TENM1: variants seen among roughly 807,000 people sequenced by gnomAD.
TENM1 encodes teneurin-1.
TENM1 carries 35 observed loss-of-function variants against 174.8 expected under a neutral mutation model. The ratio of observed to expected loss-of-function variants is 0.20; its 90% confidence interval spans 0.15 to 0.27. The LOEUF (loss-of-function observed/expected upper bound fraction) is 0.27. TENM1 is among the 10% of genes least tolerant of loss of function. The probability of loss-of-function intolerance (pLI) is 1.00; values close to 1 mark genes in which losing one functional copy is unlikely to be tolerated. For synonymous variants in TENM1, 781 were observed against 798.7 expected (o/e 0.98, Z 0.37); for missense variants, 1,633 against 2,130.1 (o/e 0.77, Z 4.59).
chrX:124,623,259 G>T (rs921187225), intron 11 of TENM1, among the ~76,000 whole-genome samples: 1 of 110,893 alleles, frequency 9.0e-6, no homozygotes, highest in Non-Finnish European at 1.9e-5. Flanking sequence ...TTGTGTGAGT[G>T]TGCATATATG....
In TENM1 at chrX:124,763,174, C is replaced by T. The variant is rs181218894; in HGVS notation, c.536-25977G>A. On this transcript the variant is annotated intron_variant, in intron 3 of 31. Coordinates refer to ENST00000422452, the Ensembl canonical transcript of TENM1. ...AGTGGTAGAGTTGAAAAAGAGAGAA[C>T]AGACTAGTCTACAAGGTTTCACAGA... is the stretch of plus-strand genomic sequence containing the variant. 3.5e-3 allele frequency among the ~76,000 whole-genome samples: 384 copies of T among 110,783 alleles called. 4 individuals are homozygous for T. Among genetic ancestry groups the T allele is most frequent in the African/African-American group, 0.011 (322 of 30,512 alleles).
At chrX:124,949,964 A>G (rs1410850480) in intron 1 of TENM1, among the ~76,000 whole-genome samples, 1 of 110,850 alleles carries the variant, frequency 9.0e-6, no homozygotes, top group Non-Finnish European at 1.9e-5. Context: ...TTTGGTTTGT[A>G]GAGCATAGGA....
the TENM1 span, among the ~76,000 whole-genome samples, chrX:125,022,494 G>A: frequency 8.9e-6 from 1 of 111,758 alleles, no homozygotes; most frequent in Admixed American, 9.5e-5. Flanking sequence ...AGGTTCAGAT[G>A]GCATTATCAT....
the TENM1 span, among the ~76,000 whole-genome samples, chrX:125,042,466 G>A: frequency 2.7e-5 from 3 of 111,216 alleles, no homozygotes; most frequent in East Asian, 8.5e-4. Flanking sequence ...ACATGCCTTT[G>A]TCTCCCACTC....
chrX:124,755,794 T>C (rs1335420079), intron 3 of TENM1, among the ~76,000 whole-genome samples: 1 of 108,988 alleles, frequency 9.2e-6, no homozygotes, highest in Non-Finnish European at 1.9e-5. Context: ...AATTCTTTTC[T>C]TTAAGAATGT....
At chrX:124,471,445 G>A (rs2061326032) in intron 22 of TENM1, among the ~76,000 whole-genome samples, 1 of 35,995 alleles carries the variant, frequency 2.8e-5, no homozygotes, top group Non-Finnish European at 4.2e-5. Flanking sequence ...ATAATATATA[G>A]TACTATATAT....
the TENM1 span, among the ~76,000 whole-genome samples, chrX:125,154,776 T>C: frequency 9.2e-6 from 1 of 109,187 alleles, no homozygotes. Flanking sequence ...GGCTCAGGAG[T>C]GAAGCTGCAG....
the TENM1 span, among the ~76,000 whole-genome samples, chrX:125,155,740 G>C: frequency 1.8e-5 from 2 of 112,839 alleles, no homozygotes; most frequent in African/African-American, 3.2e-5. Context: ...TTCATTGCCC[G>C]GCCGGCCACT....
chrX:124,689,108 GCTT>G (rs1360347585), intron 5 of TENM1, among the ~76,000 whole-genome samples: 1 of 111,515 alleles, frequency 9.0e-6, no homozygotes, highest in Non-Finnish European at 1.9e-5. Context: ...TATCAAAATG[GCTT>G]CTTTTCTTTT....
intron 11 of TENM1, among the ~76,000 whole-genome samples, chrX:124,619,233 C>A (rs1307827676): frequency 9.0e-6 from 1 of 111,600 alleles, no homozygotes; most frequent in Admixed American, 9.5e-5. Context: ...AGACGGTAAC[C>A]CCTAATATCT....
chrX:124,688,116 A>ACTCCT (rs776164988), intron 5 of TENM1, among the ~76,000 whole-genome samples: 28 of 33,634 alleles, frequency 8.3e-4, no homozygotes, highest in African/African-American at 2.3e-3. Flanking sequence ...ATTCCTCTCC[A>ACTCCT]CTCCTCTCCT....
intron 3 of TENM1, among the ~76,000 whole-genome samples, chrX:124,859,430 G>A (rs1366058494): frequency 2.8e-5 from 3 of 108,087 alleles, no homozygotes; most frequent in African/African-American, 1.0e-4. Context: ...TGTAATCCCA[G>A]CTACTCAGGA....
the TENM1 span, among the ~76,000 whole-genome samples, chrX:125,192,224 T>G: frequency 4.0e-3 from 443 of 111,998 alleles, 3 homozygotes; most frequent in Non-Finnish European, 6.5e-3. Flanking sequence ...AAAAAAAGAA[T>G]GCATGGCATG....
rs111923682 is a variant in TENM1, at chrX:124,417,515, A to G, written c.4982+2796T>C. On this transcript the variant is annotated intron_variant, in intron 25 of 31. Transcript: ENST00000422452. ...GTGTGAGCCACTGTGCCTGGCCCAT[A>G]TCTTCAATTTTAAACATGGAGTGCT... is the stretch of plus-strand genomic sequence containing the variant. 2.7e-3 allele frequency among the ~76,000 whole-genome samples: 295 copies of G among 111,202 alleles called. 1 individual carries two copies. Among genetic ancestry groups the G allele is most frequent in the African/African-American group, 9.1e-3 (278 of 30,625 alleles).
chrX:124,925,283 T>A (rs1276459800), intron 1 of TENM1, among the ~76,000 whole-genome samples: 1 of 110,995 alleles, frequency 9.0e-6, no homozygotes, highest in East Asian at 2.9e-4. Context: ...ATGACTGGGT[T>A]TTCTCTTCTA....
the TENM1 span, among the ~76,000 whole-genome samples, chrX:124,987,701 TTGTGTG>T: frequency 1.1e-3 from 102 of 91,370 alleles, no homozygotes; most frequent in East Asian, 2.7e-3. Flanking sequence ...GTTCTGCATT[TTGTGTG>T]TGTGTGTGTG....
chrX:125,199,842 G>T, the TENM1 span, among the ~76,000 whole-genome samples: 1 of 111,454 alleles, frequency 9.0e-6, no homozygotes, highest in East Asian at 2.8e-4. Context: ...TATAAATATT[G>T]TTATATAATA....
At chrX:124,578,751 A>G (rs1209670882) in intron 11 of TENM1, among the ~76,000 whole-genome samples, 2 of 111,579 alleles carry the variant, frequency 1.8e-5, no homozygotes, top group African/African-American at 6.5e-5. Flanking sequence ...TCCCACATAC[A>G]ACTATAAGCT....
At chrX:125,110,192 A>T in the TENM1 span, among the ~76,000 whole-genome samples, 6 of 111,582 alleles carry the variant, frequency 5.4e-5, no homozygotes, top group Non-Finnish European at 1.1e-4. Flanking sequence ...CTCTGAATTG[A>T]GAAAGCAAAG....
Sources: gnomAD v4.1 joint callset for allele counts (sites outside exome capture counted in the v4.1 genomes callset) on GRCh38, gnomAD v4.1.1 for gene constraint, MANE v1.5 for transcripts, NCBI Gene and HGNC (gene_info 2026-07-23, HGNC 2026-07-21) for gene names.